The following PARD3 variants were observed in gnomAD, a reference collection of about 807,000 sequenced individuals.
PARD3 encodes the protein partitioning defective 3 homolog.
In PARD3, 75 loss-of-function variants were observed where a neutral mutation model predicts 155.4. The ratio of observed to expected loss-of-function variants is 0.48; its 90% CI spans 0.40 to 0.58. The LOEUF is 0.58. Among genes scored for constraint, PARD3 ranks in the 20% least tolerant of loss-of-function variants. The pLI is 0.00. For missense variants in PARD3, 1,642 were observed against 1,721.7 expected (o/e 0.95, Z 0.82); for synonymous variants, 576 against 610.5 (o/e 0.94, Z 0.83).
At chr10:34,787,505 A>C (rs752623988) in intron 1 of PARD3, among the ~76,000 whole-genome samples, 26 of 152,228 alleles carry the variant, frequency 1.7e-4, no homozygotes, top group Admixed American at 1.4e-3. Context: ...GTCAAGGAAA[A>C]TGCTAAGGGC....
chr10:34,623,924 T>C (rs572350182), intron 2 of PARD3, among the ~76,000 whole-genome samples: 1 of 150,164 alleles, frequency 6.7e-6, no homozygotes, highest in Admixed American at 6.7e-5. Context: ...GAGGTTGCAG[T>C]GAGCTGAGAT....
Position 34,450,461 on chromosome 10 carries a change from A to AAAC in PARD3, c.583-16_583-14dup. Reference sequence around the variant, plus strand: ...AGTTTTCATCTTTCTATTCAAAAAGAAACAAAAAGGTGTCTTGTAAAAAAC... The same window carrying AAAC: ...AGTTTTCATCTTTCTATTCAAAAAGAAACAACAAAAAGGTGTCTTGTAAAAAAC... On this transcript the variant is annotated splice_polypyrimidine_tract_variant and intron_variant, in intron 4 of 24. Coordinates refer to ENST00000374788, the MANE Select transcript of PARD3 (RefSeq NM_001184785.2). 6.2e-7 allele frequency: 1 copy of AAAC among 1,600,528 alleles called. No homozygotes were observed. The highest frequency in any genetic ancestry group is 8.5e-7 in the Non-Finnish European group (1 of 1,176,524).
intron 7 of PARD3, among the ~76,000 whole-genome samples, chr10:34,390,889 A>C (rs1299586458): frequency 1.3e-5 from 2 of 152,250 alleles, no homozygotes; most frequent in African/African-American, 4.8e-5. Flanking sequence ...TTTAAAACTG[A>C]GCATCATCTT....
rs575846693 is a variant in PARD3, at chr10:34,260,708, C to T, written c.3419+8949G>A. 4.6e-5 allele frequency among the ~76,000 whole-genome samples: 7 copies of T among 152,270 alleles called. No homozygotes were observed. The South Asian group carries it at 8.3e-4, about 18-fold the overall frequency. The stretch of plus-strand genomic sequence containing the variant: ...ACATTACAATGAGATTGACTACCTT[C>T]GAGAATTACTTTCTCACATTTCAAG... On this transcript the variant is annotated intron_variant, in intron 22 of 24. Transcript: ENST00000374788.
intron 2 of PARD3, among the ~76,000 whole-genome samples, chr10:34,616,130 C>A (rs550145212): frequency 6.6e-6 from 1 of 152,068 alleles, no homozygotes; most frequent in East Asian, 1.9e-4. Flanking sequence ...ACCAGCCTGG[C>A]CAACATGGTA....
intron 2 of PARD3, among the ~76,000 whole-genome samples, chr10:34,553,482 T>TA (rs1327530933): frequency 1.3e-5 from 2 of 151,998 alleles, no homozygotes; most frequent in African/African-American, 4.8e-5. Context: ...ATGGGATAAA[T>TA]AAATGGCAAA....
intron 2 of PARD3, among the ~76,000 whole-genome samples, chr10:34,695,194 G>A (rs1193961704): frequency 6.6e-6 from 1 of 152,188 alleles, no homozygotes; most frequent in Non-Finnish European, 1.5e-5. Context: ...GGAGTGGCCA[G>A]GGCCGGGTGT....
chr10:34,414,889 TC>T (rs932107698), intron 5 of PARD3, among the ~76,000 whole-genome samples: 1 of 151,936 alleles, frequency 6.6e-6, no homozygotes, highest in Non-Finnish European at 1.5e-5. Context: ...TGAAAAGACC[TC>T]CCAAGTGCCT....
intron 22 of PARD3, among the ~76,000 whole-genome samples, chr10:34,229,930 T>G (rs1952831538): frequency 1.3e-5 from 2 of 152,140 alleles, no homozygotes; most frequent in South Asian, 4.1e-4. Context: ...TGAGAACTAT[T>G]CATCTAGCTT....
chr10:34,207,716 A>C (rs1420627719), intron 22 of PARD3, among the ~76,000 whole-genome samples: 1 of 152,248 alleles, frequency 6.6e-6, no homozygotes, highest in Non-Finnish European at 1.5e-5. Context: ...CTTTATGGAC[A>C]TTCCAACTGA....
chr10:34,714,384 A>G (rs2094488318), intron 1 of PARD3, among the ~76,000 whole-genome samples: 1 of 152,156 alleles, frequency 6.6e-6, no homozygotes, highest in South Asian at 2.1e-4. Flanking sequence ...CCTACCTCTG[A>G]TTTCCTCTTT....
At chr10:34,208,215 T>C (rs1386193181) in intron 22 of PARD3, among the ~76,000 whole-genome samples, 1 of 152,216 alleles carries the variant, frequency 6.6e-6, no homozygotes, top group Non-Finnish European at 1.5e-5. Context: ...CAAATCAGGT[T>C]GTCATGAACT....
chr10:34,547,282 C>G (rs1341478866), intron 2 of PARD3, among the ~76,000 whole-genome samples: 1 of 152,218 alleles, frequency 6.6e-6, no homozygotes, highest in East Asian at 1.9e-4. Flanking sequence ...TACAGACATA[C>G]AAGCATTTAA....
intron 3 of PARD3, among the ~76,000 whole-genome samples, chr10:34,493,996 C>A (rs2080100490): frequency 6.6e-6 from 1 of 152,140 alleles, no homozygotes; most frequent in Admixed American, 6.5e-5. Context: ...CATATTTACA[C>A]CATGGAAATG....
intron 1 of PARD3, among the ~76,000 whole-genome samples, chr10:34,756,582 T>C (rs538143172): frequency 9.3e-5 from 14 of 150,000 alleles, no homozygotes; most frequent in Non-Finnish European, 2.1e-4. Context: ...CAGCCTCAAG[T>C]AGCTGGGACT....
intron 2 of PARD3, among the ~76,000 whole-genome samples, chr10:34,666,540 G>A (rs902236420): frequency 8.6e-5 from 13 of 151,616 alleles, no homozygotes; most frequent in Admixed American, 2.0e-4. Context: ...CCTTACTAAC[G>A]TCCAGGAGTC....
chr10:34,572,701 T>C (rs1590065154), intron 2 of PARD3, among the ~76,000 whole-genome samples: 1 of 151,106 alleles, frequency 6.6e-6, no homozygotes, highest in South Asian at 2.1e-4. Context: ...AACCATTAAG[T>C]AGTGACTAAG....
chr10:34,416,132 TTAA>T (rs1052117886), intron 5 of PARD3, among the ~76,000 whole-genome samples: 12 of 152,312 alleles, frequency 7.9e-5, no homozygotes, highest in East Asian at 5.8e-4. Flanking sequence ...AGAGAGCTAC[TTAA>T]TAATAGGACA....
At chr10:34,778,741 C>T (rs577842483) in intron 1 of PARD3, among the ~76,000 whole-genome samples, 5 of 152,292 alleles carry the variant, frequency 3.3e-5, no homozygotes, top group Non-Finnish European at 5.9e-5. Context: ...GCTGAAAAGA[C>T]TTAAGTGACA....
Sources: gnomAD v4.1 joint callset for allele counts (sites outside exome capture counted in the v4.1 genomes callset) on GRCh38, gnomAD v4.1.1 for gene constraint, MANE v1.5 for transcripts, NCBI Gene and HGNC (gene_info 2026-07-23, HGNC 2026-07-21) for gene names.